The following TMEM17 variants were observed in gnomAD, a reference collection of about 807,000 sequenced individuals.
TMEM17 encodes the protein transmembrane protein 17.
In TMEM17, 15 loss-of-function variants were observed where a neutral mutation model predicts 19.1. The observed-to-expected ratio is 0.78, with a 90% confidence interval of 0.52 to 1.21. The LOEUF (loss-of-function observed/expected upper bound fraction) is 1.21, where lower values mean the gene tolerates loss of function less well. TMEM17 is among the 50% of genes most tolerant of loss of function. The pLI is 0.00. For synonymous variants in TMEM17, 103 were observed against 86.9 expected (o/e 1.19, Z -1.03); for missense variants, 245 against 242.3 (o/e 1.01, Z -0.07).
At chr2:62,495,044 T>A in the TMEM17 span, among the ~76,000 whole-genome samples, 2 of 152,188 alleles carry the variant, frequency 1.3e-5, no homozygotes, top group African/African-American at 2.4e-5. Context: ...AGTCTACCTT[T>A]TTAATGTAGC....
chr2:62,503,877 T>C (rs546312083), intron 1 of TMEM17, among the ~76,000 whole-genome samples: 1 of 152,244 alleles, frequency 6.6e-6, no homozygotes. Context: ...ATGAGTTCCA[T>C]TTACCTAAGG....
the TMEM17 span, among the ~76,000 whole-genome samples, chr2:62,457,165 G>A: frequency 2.0e-5 from 3 of 152,240 alleles, no homozygotes; most frequent in Non-Finnish European, 4.4e-5. The surrounding 1 kb of genome is among the most constrained non-coding windows in gnomAD (Gnocchi z 4.2). Context: ...GGCTGGCCGA[G>A]AGCCGGGGAT....
chr2:62,504,295 A>G (rs1680006569), intron 1 of TMEM17, among the ~76,000 whole-genome samples: 1 of 152,254 alleles, frequency 6.6e-6, no homozygotes, highest in Non-Finnish European at 1.5e-5. Context: ...ACAACTCACC[A>G]GCCTAGGATC....
intron 3 of TMEM17, chr2:62,501,875 C>G (rs1215342493): frequency 5.5e-6 from 1 of 182,362 alleles, no homozygotes; most frequent in Non-Finnish European, 1.2e-5. Context: ...TGGGAATCAG[C>G]ACATCAGCCT....
At chr2:62,472,451 T>C in the TMEM17 span, among the ~76,000 whole-genome samples, 3 of 152,170 alleles carry the variant, frequency 2.0e-5, no homozygotes, top group South Asian at 2.1e-4. Flanking sequence ...TATTTATTTA[T>C]TGGCTCTGGC....
At chr2:62,503,198 C>G (rs1262719219) in intron 1 of TMEM17, among the ~76,000 whole-genome samples, 1 of 152,124 alleles carries the variant, frequency 6.6e-6, no homozygotes, top group African/African-American at 2.4e-5. Flanking sequence ...CACAGATAAA[C>G]TAATCTTATA....
chr2:62,463,526 GT>G, the TMEM17 span, among the ~76,000 whole-genome samples: 1 of 152,168 alleles, frequency 6.6e-6, no homozygotes, highest in Non-Finnish European at 1.5e-5. Context: ...GTGCTTACCA[GT>G]TATGAAAAGA....
At chr2:62,466,511 A>C in the TMEM17 span, among the ~76,000 whole-genome samples, 50 of 152,356 alleles carry the variant, frequency 3.3e-4, 1 homozygote, top group African/African-American at 1.1e-3. Context: ...CTACTTGGCC[A>C]CATGAGGAGA....
the TMEM17 span, among the ~76,000 whole-genome samples, chr2:62,457,965 G>T: frequency 6.6e-6 from 1 of 152,078 alleles, no homozygotes; most frequent in Non-Finnish European, 1.5e-5. This position sits in a 1 kb window ranked among gnomAD's most constrained non-coding sequence, Gnocchi z 4.2. Context: ...CCAGATCTGG[G>T]GTCAGAAAAA....
At chr2:62,504,036 C>T (rs542734850) in intron 1 of TMEM17, among the ~76,000 whole-genome samples, 4 of 152,226 alleles carry the variant, frequency 2.6e-5, no homozygotes, top group South Asian at 2.1e-4. Context: ...TTGCTGTACA[C>T]GTAAGATTTT....
chr2:62,477,901 C>A, the TMEM17 span, among the ~76,000 whole-genome samples: 1 of 152,228 alleles, frequency 6.6e-6, no homozygotes, highest in Non-Finnish European at 1.5e-5. Context: ...CTTTAAGGCA[C>A]TCATGTAGTG....
chr2:62,471,175 G>A, the TMEM17 span, among the ~76,000 whole-genome samples: 1 of 152,176 alleles, frequency 6.6e-6, no homozygotes, highest in African/African-American at 2.4e-5. Flanking sequence ...TGCGTGTGGA[G>A]GGTTGGCAGA....
the TMEM17 span, chr2:62,463,146 C>G: frequency 1.3e-5 from 2 of 152,276 alleles, no homozygotes; most frequent in Admixed American, 1.3e-4. Flanking sequence ...TCCCTGCCCT[C>G]CAGAAACTGT....
the TMEM17 span, among the ~76,000 whole-genome samples, chr2:62,469,100 G>A: frequency 6.6e-6 from 1 of 152,138 alleles, no homozygotes; most frequent in Non-Finnish European, 1.5e-5. Flanking sequence ...TGATATTTCA[G>A]GTACACATTT....
At chr2:62,484,928 C>T in the TMEM17 span, among the ~76,000 whole-genome samples, 1 of 152,092 alleles carries the variant, frequency 6.6e-6, no homozygotes, top group Non-Finnish European at 1.5e-5. Flanking sequence ...CATGGCTTTC[C>T]CAACTAATTC....
chr2:62,506,060 G>T lies in TMEM17; in HGVS notation c.70C>A (p.Arg24=), dbSNP rs373057670. 1.2e-6 allele frequency: 2 copies of T among 1,610,964 alleles called. No individual in the cohort carries two copies. Among genetic ancestry groups the T allele is most frequent in the Non-Finnish European group, 1.7e-6 (2 of 1,178,850 alleles). ...FSRAVFSDSN[R]TGPESNEGPE... Reference sequence around the variant, plus strand: ...CCCTCATTGGACTCTGGACCGGTCCGATTGGAATCACTGAACACGGCCCGG... The same window carrying T: ...CCCTCATTGGACTCTGGACCGGTCCTATTGGAATCACTGAACACGGCCCGG... The change falls in exon 1 of 4, where the codon CGG becomes AGG. Residue 24 remains arginine, a synonymous_variant. Coordinates refer to ENST00000335390, the MANE Select transcript of TMEM17 (RefSeq NM_198276.3).
At chr2:62,475,966 C>A in the TMEM17 span, among the ~76,000 whole-genome samples, 1 of 152,128 alleles carries the variant, frequency 6.6e-6, no homozygotes, top group African/African-American at 2.4e-5. Context: ...TGCTCGTGTT[C>A]ATTAGAAGCT....
chr2:62,478,244 T>G, the TMEM17 span, among the ~76,000 whole-genome samples: 4 of 152,214 alleles, frequency 2.6e-5, no homozygotes, highest in Admixed American at 2.6e-4. Flanking sequence ...CAGCATGAAC[T>G]CATGTTTTCC....
the TMEM17 span, among the ~76,000 whole-genome samples, chr2:62,483,874 T>G: frequency 6.6e-6 from 1 of 152,292 alleles, no homozygotes; most frequent in Admixed American, 6.5e-5. Context: ...GCACTGGGAT[T>G]ACAGGTGTGA....
Sources: gnomAD v4.1 joint callset for allele counts (sites outside exome capture counted in the v4.1 genomes callset) on GRCh38, gnomAD v4.1.1 for gene constraint, Gnocchi (gnomAD v3.1) non-coding constraint, MANE v1.5 for transcripts, NCBI Gene and HGNC (gene_info 2026-07-23, HGNC 2026-07-21) for gene names.